SLC25A15: variants seen among roughly 807,000 people sequenced by gnomAD.
The protein encoded by SLC25A15 is mitochondrial ornithine transporter 1.
SLC25A15 carries 24 observed loss-of-function variants against 32.3 expected under a neutral mutation model. That is an observed-to-expected ratio of 0.74 (90% CI 0.54 to 1.04). The LOEUF (loss-of-function observed/expected upper bound fraction) is 1.04. Among genes scored for constraint, SLC25A15 ranks in the 50% least tolerant of loss-of-function variants. The pLI is 0.00. For synonymous variants in SLC25A15, 132 were observed against 142.1 expected (o/e 0.93, Z 0.51); for missense variants, 317 against 374.5 (o/e 0.85, Z 1.27).
Position 40,807,516 on chromosome 13 carries a change from A to T in SLC25A15, c.622+53A>T, listed in dbSNP as rs1013910201. The T allele has an allele frequency of 5.6e-5, 89 of 1,585,028 alleles. 1 individual carries two copies. Among genetic ancestry groups the T allele is most frequent in the Non-Finnish European group, 7.5e-5 (87 of 1,155,254 alleles). On this transcript the variant is annotated intron_variant, in intron 5 of 6. Transcript: ENST00000338625. ...GGGTGTGATGGTGTTTGCTCCCTGCAGGTATGGTTTCTGTGGATTCTCTGC... is the reference window on the plus strand; with the variant it reads ...GGGTGTGATGGTGTTTGCTCCCTGCTGGTATGGTTTCTGTGGATTCTCTGC...
intron 3 of SLC25A15, 88 bp from the exon 4 acceptor site, chr13:40,805,030 C>G (rs1882109414): frequency 2.6e-6 from 4 of 1,554,696 alleles, no homozygotes; most frequent in Non-Finnish European, 3.5e-6. Flanking sequence ...GGCTCCTTAC[C>G]CTGCTTTATC....
At chr13:40,792,976 G>A (rs1199977292) in intron 1 of SLC25A15, among the ~76,000 whole-genome samples, 182 bp from the exon 2 acceptor site, 1 of 152,208 alleles carries the variant, frequency 6.6e-6, no homozygotes, top group Non-Finnish European at 1.5e-5. Context: ...GGAGGTTTTT[G>A]ATCTGTGAGC....
chr13:40,794,827 A>G (rs1358279415), intron 2 of SLC25A15, among the ~76,000 whole-genome samples: 2 of 150,284 alleles, frequency 1.3e-5, no homozygotes, highest in Non-Finnish European at 3.0e-5. Flanking sequence ...TATGGTCATG[A>G]ATATGGTCAC....
At position 40,795,434 on chromosome 13, in the gene SLC25A15, C is replaced by T. The variant is rs118177954; in HGVS notation, c.55+2153C>T. 7.7e-3 allele frequency among the ~76,000 whole-genome samples: 1,169 copies of T among 152,296 alleles called. 7 individuals carry two copies. The highest frequency in any genetic ancestry group is 0.011 in the Non-Finnish European group (755 of 68,030). ...AAGTTAGTTTGAAAGATAGAAATTG[C>T]AACAGTATGGTTGGGAGCCTGGTAT... On this transcript the variant is annotated intron_variant, in intron 2 of 6. Transcript: ENST00000338625.
At chr13:40,806,753 A>T (rs1202415886) in intron 4 of SLC25A15, among the ~76,000 whole-genome samples, 1 of 152,202 alleles carries the variant, frequency 6.6e-6, no homozygotes, top group Admixed American at 6.5e-5. Flanking sequence ...AGCAGGGATA[A>T]ACCTGCCCTG....
chr13:40,791,841 A>G lies in SLC25A15; in HGVS notation c.-69-1317A>G, dbSNP rs1004637240. On this transcript the variant is annotated intron_variant, in intron 1 of 6. Coordinates refer to ENST00000338625, the MANE Select transcript of SLC25A15 (RefSeq NM_014252.4). Reference sequence around the variant, plus strand: ...GTTTTAAATTTTTTGTGAATAAAGGAGGATTATTGAAGTCTCGTCGTTGGC... The same window carrying G: ...GTTTTAAATTTTTTGTGAATAAAGGGGGATTATTGAAGTCTCGTCGTTGGC... Among the ~76,000 whole-genome samples the G allele has an allele frequency of 2.6e-5, 4 of 152,096 alleles. No individual in the cohort carries two copies. The East Asian group carries it at 7.7e-4, about 29-fold the overall frequency.
rs988186566 is a variant in SLC25A15 at position 40,798,072 on chromosome 13, G to A, written c.56-985G>A. Among the ~76,000 whole-genome samples the A allele has an allele frequency of 2.0e-5, 3 of 152,136 alleles. No individual in the cohort carries two copies. The South Asian group carries it at 6.2e-4, about 31-fold the overall frequency. ...AGGCAGGAGGATCATTTGAGGCCAG[G>A]AGTTAGAGACCACCCTGGCCAACAT... On this transcript the variant is annotated intron_variant, in intron 2 of 6. Transcript: ENST00000338625.
chr13:40,795,024 G>A lies in SLC25A15; in HGVS notation c.55+1743G>A, dbSNP rs571093320. On this transcript the variant is annotated intron_variant, in intron 2 of 6. Coordinates refer to ENST00000338625, the MANE Select transcript of SLC25A15 (RefSeq NM_014252.4). The stretch of plus-strand genomic sequence containing the variant: ...TCCCAGGGCAGAACCCACAAGGAGC[G>A]TCCCAGCCCCAGATGCCCAGGGAAC... Among the ~76,000 whole-genome samples the A allele has an allele frequency of 8.9e-4, 136 of 152,302 alleles. 3 individuals are homozygous for A. In the Middle Eastern group the frequency reaches 0.01, roughly 11 times the overall value.
intron 1 of SLC25A15, among the ~76,000 whole-genome samples, chr13:40,790,812 C>G (rs931528392): frequency 1.3e-5 from 2 of 152,190 alleles, no homozygotes; most frequent in Non-Finnish European, 2.9e-5. Context: ...GTCTCGAACT[C>G]CCGACCTCAG....
At chr13:40,806,129 A>T (rs1215101164) in intron 4 of SLC25A15, among the ~76,000 whole-genome samples, 1 of 152,208 alleles carries the variant, frequency 6.6e-6, no homozygotes, top group Non-Finnish European at 1.5e-5. Flanking sequence ...TGAATCTAAT[A>T]TTCATTGCCT....
chr13:40,808,632 A>T, intron 6 of SLC25A15, 36 bp downstream of exon 6: 1 of 1,577,668 alleles, frequency 6.3e-7, no homozygotes, highest in South Asian at 1.1e-5. Context: ...ATCTATATAC[A>T]TCTTAAAATC....
intron 3 of SLC25A15, among the ~76,000 whole-genome samples, chr13:40,803,961 TC>T (rs1882018918): frequency 6.6e-6 from 1 of 152,040 alleles, no homozygotes; most frequent in East Asian, 1.9e-4. Context: ...AATATTTTCC[TC>T]CTTTCCTTTA....
At chr13:40,803,837 C>T (rs1288284253) in intron 3 of SLC25A15, among the ~76,000 whole-genome samples, 4 of 152,100 alleles carry the variant, frequency 2.6e-5, no homozygotes, top group African/African-American at 4.8e-5. Flanking sequence ...TCTGGTTGCT[C>T]CAGGTTGGAT....
intron 3 of SLC25A15, among the ~76,000 whole-genome samples, chr13:40,800,022 T>C (rs12868134): frequency 6.6e-6 from 1 of 152,238 alleles, no homozygotes; most frequent in African/African-American, 2.4e-5. Context: ...TGGAAACCAC[T>C]GGGATGTTTA....
chr13:40,794,541 TAGAA>T (rs1360176890), intron 2 of SLC25A15, among the ~76,000 whole-genome samples: 1 of 152,080 alleles, frequency 6.6e-6, no homozygotes, highest in East Asian at 1.9e-4. Context: ...GGCTACTCCT[TAGAA>T]AGATCAGCTT....
chr13:40,809,760 C>T lies in SLC25A15; in HGVS notation c.*93C>T. On this transcript the variant is annotated 3_prime_UTR_variant, in exon 7 of 7. Transcript: ENST00000338625. ...AGTACAAGACCAGTGTGAAGTTATT[C>T]TGATTTCTTGGGAATTTTGCTTTTT... The T allele has an allele frequency of 6.9e-7, 1 of 1,446,770 alleles. No individual in the cohort carries two copies. The highest frequency in any genetic ancestry group is 1.2e-5 in the South Asian group (1 of 86,924). The allele number at this position is 1,446,770 out of a possible 1,614,324, so 89.6% of individuals were successfully genotyped here. A position where few individuals can be genotyped will look rare whatever the true frequency, so the allele number is the denominator to read the frequency against.
At chr13:40,806,146 C>A (rs529778425) in intron 4 of SLC25A15, among the ~76,000 whole-genome samples, 1 of 152,252 alleles carries the variant, frequency 6.6e-6, no homozygotes, top group Admixed American at 6.5e-5. Context: ...GCCTAGAAGT[C>A]CAAGAGTGTA....
chr13:40,808,213 C>G (rs977202440), intron 5 of SLC25A15, among the ~76,000 whole-genome samples: 2 of 152,232 alleles, frequency 1.3e-5, no homozygotes, highest in African/African-American at 4.8e-5. Flanking sequence ...ACTAAGGCTT[C>G]TTGTACTTGG....
intron 3 of SLC25A15, among the ~76,000 whole-genome samples, chr13:40,804,409 G>A (rs1882055598): frequency 6.6e-6 from 1 of 152,196 alleles, no homozygotes; most frequent in South Asian, 2.1e-4. Context: ...CTGCCACTTA[G>A]TAGCTGTGTG....
Sources: allele counts gnomAD v4.1 joint callset (sites outside exome capture counted in the v4.1 genomes callset), GRCh38; gene constraint gnomAD v4.1.1; transcripts MANE v1.5; gene names NCBI Gene and HGNC (gene_info 2026-07-23, HGNC 2026-07-21).